The following ADAMTSL1 variants were observed in gnomAD, a reference collection of about 807,000 sequenced individuals.
ADAMTSL1 encodes ADAMTS like 1.
A neutral mutation model predicts 201.8 loss-of-function variants in ADAMTSL1; 126 were observed. The observed-to-expected ratio is 0.62, with a 90% CI of 0.54 to 0.72. ADAMTSL1 has a LOEUF of 0.72. Ranked by LOEUF, ADAMTSL1 falls within the 30% of genes least tolerant of loss-of-function variation. The probability of loss-of-function intolerance (pLI) is 0.00; values close to 1 mark genes in which losing one functional copy is unlikely to be tolerated. For synonymous variants in ADAMTSL1, 1,121 were observed against 903.4 expected (o/e 1.24, Z -4.32); for missense variants, 2,679 against 2,277.8 (o/e 1.18, Z -3.59).
At chr9:18,441,200 T>A (rs1335932917) in intron 2 of ADAMTSL1, among the ~76,000 whole-genome samples, 3 of 152,012 alleles carry the variant, frequency 2.0e-5, no homozygotes, top group Non-Finnish European at 4.4e-5. Context: ...TTGGGGGTAA[T>A]AAGAATGTTA....
At chr9:18,037,261 T>G (rs1358905133) in intron 1 of ADAMTSL1, among the ~76,000 whole-genome samples, 2 of 152,156 alleles carry the variant, frequency 1.3e-5, no homozygotes, top group African/African-American at 2.4e-5. Flanking sequence ...ATTTGATCCT[T>G]GCATGTCGTA....
chr9:18,209,436 A>G (rs1042399618), intron 2 of ADAMTSL1, among the ~76,000 whole-genome samples: 1 of 152,176 alleles, frequency 6.6e-6, no homozygotes, highest in Non-Finnish European at 1.5e-5. Context: ...GTGAACACTC[A>G]TTGGAGACCT....
intron 1 of ADAMTSL1, among the ~76,000 whole-genome samples, chr9:17,926,700 A>G (rs977074878): frequency 1.3e-5 from 2 of 152,200 alleles, no homozygotes; most frequent in Non-Finnish European, 2.9e-5. Context: ...TAATGTTATC[A>G]TGAATCCAGA....
chr9:18,599,205 A>T (rs1409339485), intron 4 of ADAMTSL1, among the ~76,000 whole-genome samples: 2 of 152,186 alleles, frequency 1.3e-5, no homozygotes, highest in Non-Finnish European at 2.9e-5. Context: ...TATTTGACAC[A>T]AGTTAGGGAT....
In ADAMTSL1 at chr9:17,914,159, T is replaced by A. The variant is rs556636125; in HGVS notation, c.87+7237T>A. On this transcript the variant is annotated intron_variant, in intron 1 of 29. Transcript: ENST00000680146. Reference sequence around the variant, plus strand: ...CAATAGAAAAAGAGGGAATCCTCCCTAACTCATTTTATGAGGCCAGCATCA... The same window carrying A: ...CAATAGAAAAAGAGGGAATCCTCCCAAACTCATTTTATGAGGCCAGCATCA... 2.7e-4 allele frequency among the ~76,000 whole-genome samples: 41 copies of A among 152,308 alleles called. 1 individual carries two copies. In the East Asian group the frequency reaches 4.3e-3, roughly 16 times the overall value.
chr9:18,087,874 T>A (rs1823836303), intron 1 of ADAMTSL1, among the ~76,000 whole-genome samples: 1 of 152,150 alleles, frequency 6.6e-6, no homozygotes, highest in African/African-American at 2.4e-5. Flanking sequence ...GTCCTTTGGA[T>A]GAAATAGAAA....
chr9:17,917,935 G>A (rs775387998), intron 1 of ADAMTSL1, among the ~76,000 whole-genome samples: 26 of 151,844 alleles, frequency 1.7e-4, no homozygotes, highest in Non-Finnish European at 3.7e-4. Flanking sequence ...CATCTAACTT[G>A]TTGAATTCAT....
At chr9:18,273,075 A>G (rs538971856) in intron 2 of ADAMTSL1, among the ~76,000 whole-genome samples, 23 of 152,158 alleles carry the variant, frequency 1.5e-4, no homozygotes, top group Non-Finnish European at 2.6e-4. Context: ...TGCAGGGACC[A>G]AAAGGTCCAG....
At chr9:18,096,043 C>T (rs544869921) in intron 1 of ADAMTSL1, among the ~76,000 whole-genome samples, 1 of 152,142 alleles carries the variant, frequency 6.6e-6, no homozygotes, top group African/African-American at 2.4e-5. Context: ...AGGGGATAAT[C>T]GCATCAGACT....
intron 1 of ADAMTSL1, among the ~76,000 whole-genome samples, chr9:18,126,426 A>G (rs1188686635): frequency 1.3e-5 from 2 of 152,244 alleles, no homozygotes; most frequent in South Asian, 2.1e-4. Flanking sequence ...TTTAGGGTCC[A>G]ATACCTTTCT....
chr9:18,600,661 G>C (rs1587681078), intron 4 of ADAMTSL1, among the ~76,000 whole-genome samples: 1 of 152,098 alleles, frequency 6.6e-6, no homozygotes, highest in East Asian at 1.9e-4. Context: ...GATCAGCTCT[G>C]GGTGCTAAGG....
chr9:17,954,953 C>T (rs1010432114), intron 1 of ADAMTSL1, among the ~76,000 whole-genome samples: 1 of 152,018 alleles, frequency 6.6e-6, no homozygotes, highest in Non-Finnish European at 1.5e-5. Flanking sequence ...CTCCAGAGGC[C>T]CCTTAGGAAA....
intron 2 of ADAMTSL1, among the ~76,000 whole-genome samples, chr9:18,315,391 C>T (rs984382233): frequency 9.9e-5 from 15 of 152,008 alleles, no homozygotes; most frequent in Non-Finnish European, 1.5e-4. Flanking sequence ...TCCTCAGTGG[C>T]GCCCGTCAGG....
At chr9:18,856,335 A>G (rs964810330) in intron 23 of ADAMTSL1, among the ~76,000 whole-genome samples, 4 of 152,088 alleles carry the variant, frequency 2.6e-5, no homozygotes, top group African/African-American at 9.7e-5. Context: ...TCATTCATAT[A>G]TAAGTATTGC....
intron 2 of ADAMTSL1, among the ~76,000 whole-genome samples, chr9:18,298,612 C>A (rs1833568688): frequency 6.6e-6 from 1 of 151,646 alleles, no homozygotes; most frequent in African/African-American, 2.4e-5. Flanking sequence ...GATCATTTAA[C>A]CATTTCTTCT....
chr9:18,048,380 T>G (rs957356721), intron 1 of ADAMTSL1, among the ~76,000 whole-genome samples: 1 of 152,176 alleles, frequency 6.6e-6, no homozygotes, highest in African/African-American at 2.4e-5. Context: ...ACATTGTCAC[T>G]GTTGTGTCCT....
chr9:17,952,592 T>C (rs1827769028), intron 1 of ADAMTSL1, among the ~76,000 whole-genome samples: 1 of 151,910 alleles, frequency 6.6e-6, no homozygotes, highest in African/African-American at 2.4e-5. Flanking sequence ...ACCATGTTTT[T>C]ATTCATTTAT....
chr9:18,169,686 A>G (rs1827803789), intron 2 of ADAMTSL1, among the ~76,000 whole-genome samples: 1 of 152,072 alleles, frequency 6.6e-6, no homozygotes, highest in African/African-American at 2.4e-5. Flanking sequence ...CTTGATGGAG[A>G]TGGCATTGAA....
chr9:18,422,245 G>T (rs568342199), intron 2 of ADAMTSL1, among the ~76,000 whole-genome samples: 2 of 152,210 alleles, frequency 1.3e-5, no homozygotes, highest in East Asian at 3.9e-4. Flanking sequence ...TTGCCACTTT[G>T]TAAATTTGGA....
Sources: allele counts gnomAD v4.1 joint callset (sites outside exome capture counted in the v4.1 genomes callset), GRCh38; gene constraint gnomAD v4.1.1; transcripts MANE v1.5; gene names NCBI Gene and HGNC (gene_info 2026-07-23, HGNC 2026-07-21).